The following GALNT9 variants were observed in gnomAD, a reference collection of about 807,000 sequenced individuals.
The protein encoded by GALNT9 is polypeptide N-acetylgalactosaminyltransferase 9, also known as GalNAc transferase 9.
Under a neutral mutation model 63.1 loss-of-function variants are expected in GALNT9, and 47 were observed. That is an observed-to-expected ratio of 0.75 (90% CI 0.59 to 0.95). The LOEUF (loss-of-function observed/expected upper bound fraction) is 0.95. Among genes scored for constraint, GALNT9 ranks in the 40% least tolerant of loss-of-function variants. The probability of loss-of-function intolerance (pLI) is 0.00; values close to 1 mark genes in which losing one functional copy is unlikely to be tolerated. For synonymous variants in GALNT9, 396 were observed against 365.7 expected (o/e 1.08, Z -0.94); for missense variants, 829 against 874.8 (o/e 0.95, Z 0.66).
At chr12:132,209,375 T>A (rs1387684413) in intron 6 of GALNT9, among the ~76,000 whole-genome samples, 2 of 140,848 alleles carry the variant, frequency 1.4e-5, no homozygotes, top group African/African-American at 6.4e-5. Flanking sequence ...AAAAAATAAA[T>A]AAATAAATAA....
intron 4 of GALNT9, among the ~76,000 whole-genome samples, chr12:132,260,303 G>GGGCCCTGCCCACACCTTGGAGTCC (rs1593090020): frequency 6.6e-6 from 1 of 151,642 alleles, no homozygotes; most frequent in Non-Finnish European, 1.5e-5. Context: ...CCTTGGAGTC[G>GGGCCCTGCCCACACCTTGGAGTCC]GGCCCTGCCC....
At chr12:132,237,768 A>G (rs1335010719) in intron 6 of GALNT9, among the ~76,000 whole-genome samples, 1 of 152,226 alleles carries the variant, frequency 6.6e-6, no homozygotes, top group Non-Finnish European at 1.5e-5. Flanking sequence ...GGCCTGACGC[A>G]GCCTCACCAC....
intron 1 of GALNT9, among the ~76,000 whole-genome samples, chr12:132,317,822 G>A (rs75258426): frequency 0.14 from 21,533 of 152,156 alleles, 1,814 homozygotes; most frequent in South Asian, 0.24. Flanking sequence ...GCTGCACAGG[G>A]GCTGCTGGGA....
chr12:132,263,102 G>A (rs1879466538), intron 2 of GALNT9, among the ~76,000 whole-genome samples: 1 of 152,136 alleles, frequency 6.6e-6, no homozygotes, highest in Admixed American at 6.5e-5. Context: ...GGAGCACGTT[G>A]GGGACGGCGC....
At chr12:132,320,023 T>C (rs1424917091) in intron 1 of GALNT9, among the ~76,000 whole-genome samples, 6 of 152,046 alleles carry the variant, frequency 3.9e-5, no homozygotes, top group African/African-American at 1.4e-4. Flanking sequence ...CTGGGTCCCG[T>C]TAGCGTTCAC....
chr12:132,198,495 G>A (rs896097848), intron 9 of GALNT9, among the ~76,000 whole-genome samples: 11 of 151,602 alleles, frequency 7.3e-5, no homozygotes, highest in South Asian at 2.1e-4. Flanking sequence ...GGGAGTGCTC[G>A]GAGGTCAACA....
At chr12:132,323,878 C>T (rs1555246305) in intron 1 of GALNT9, among the ~76,000 whole-genome samples, 1 of 152,224 alleles carries the variant, frequency 6.6e-6, no homozygotes, top group East Asian at 1.9e-4. Flanking sequence ...ACTGTGGAAG[C>T]GAGACCTGCC....
intron 6 of GALNT9, among the ~76,000 whole-genome samples, chr12:132,228,072 C>T (rs1469228268): frequency 2.6e-5 from 4 of 152,078 alleles, no homozygotes; most frequent in Non-Finnish European, 5.9e-5. Flanking sequence ...TTGGTGAGGA[C>T]GCCATGTGCC....
At position 132,230,282 on chromosome 12, in the gene GALNT9, A is replaced by AGTTC. The variant is rs1593073422; in HGVS notation, c.1077+17627_1077+17628insGAAC. ...AGCCTTGTGATGGGGGCCGCCACAC[A>AGTTC]GGACAGCATCCGCCTTCCCGAGTTC... On this transcript the variant is annotated intron_variant, in intron 6 of 10. Transcript: ENST00000328957. Among the ~76,000 whole-genome samples, 10 of 152,348 alleles carry AGTTC rather than the reference A, an allele frequency of 6.6e-5. No individual in the cohort carries two copies. The East Asian group carries it at 1.9e-3, about 29-fold the overall frequency.
intron 1 of GALNT9, among the ~76,000 whole-genome samples, chr12:132,303,087 C>T (rs1370393822): frequency 1.4e-5 from 2 of 147,892 alleles, no homozygotes; most frequent in African/African-American, 2.5e-5. Flanking sequence ...GTCTCTCTCT[C>T]GGGAAAGCCT....
rs553816202 is a variant in GALNT9 at position 132,210,344 on chromosome 12, T to C, written c.1078-6654A>G. ...CGAGGCCGTCCCGTGAAGTCGGACC[T>C]GTTCTTCTGGTCAAGGCAAGCAAAG... is the stretch of plus-strand genomic sequence containing the variant. On this transcript the variant is annotated intron_variant, in intron 6 of 10. Transcript: ENST00000328957. Among the ~76,000 whole-genome samples the C allele has an allele frequency of 2.5e-3, 378 of 152,356 alleles. 3 individuals carry two copies. Among genetic ancestry groups the C allele is most frequent in the African/African-American group, 8.7e-3 (361 of 41,584 alleles).
In GALNT9 at chr12:132,197,125, G is replaced by C. The variant is rs1875562151; in HGVS notation, c.1794C>G (p.Ile598Met). 7 of 1,614,038 alleles carry C rather than the reference G, an allele frequency of 4.3e-6. No homozygotes were observed. In the Admixed American group the frequency reaches 1.2e-4, roughly 27 times the overall value. ...GGTGGGGTCAGTGCCGTGCGTGTTT[G>C]ATCCAGTTTCTGATCATCCACTTCT... ...SGQKWMIRNW[I>M]KHARH Residue 598 changes from isoleucine to methionine, a missense_variant, in exon 11 of 11, where the codon ATC becomes ATG. Physicochemically the swap from Ile to Met is conservative, Grantham distance 10. Coordinates refer to ENST00000328957, the MANE Select transcript of GALNT9 (RefSeq NM_001122636.2).
chr12:132,222,785 C>CGGACGCTAT (rs1441287714), intron 6 of GALNT9, among the ~76,000 whole-genome samples: 2 of 151,680 alleles, frequency 1.3e-5, no homozygotes, highest in East Asian at 3.9e-4. Context: ...GGAGGAGATA[C>CGGACGCTAT]GGACGCTATG....
In GALNT9 at chr12:132,282,405, G is replaced by A. The variant is rs1168985631; in HGVS notation, c.419+3845C>T. The stretch of plus-strand genomic sequence containing the variant: ...AAAAACTAAAAATACGTGTGTGCGC[G>A]TGTGTGCGTGTGTGTGCGTGTGTGC... On this transcript the variant is annotated intron_variant, in intron 2 of 10. Coordinates refer to ENST00000328957, the MANE Select transcript of GALNT9 (RefSeq NM_001122636.2). This position sits in a 1 kb window ranked among gnomAD's most constrained non-coding sequence, Gnocchi z 4.5. 3.4e-5 allele frequency among the ~76,000 whole-genome samples: 5 copies of A among 147,296 alleles called. No homozygotes were observed. Among genetic ancestry groups the A allele is most frequent in the Non-Finnish European group, 6.0e-5 (4 of 66,424 alleles).
chr12:132,307,883 G>C (rs1881671705), intron 1 of GALNT9, among the ~76,000 whole-genome samples: 1 of 151,342 alleles, frequency 6.6e-6, no homozygotes, highest in African/African-American at 2.4e-5. Flanking sequence ...TTATGAGAGA[G>C]AAGTGGGCTG....
At chr12:132,216,441 C>T (rs747170374) in intron 6 of GALNT9, among the ~76,000 whole-genome samples, 22 of 152,210 alleles carry the variant, frequency 1.4e-4, no homozygotes, top group East Asian at 1.9e-4. Flanking sequence ...GCAGGCAGGA[C>T]GGTGCGTGGC....
At chr12:132,264,445 C>T (rs891562991) in intron 2 of GALNT9, among the ~76,000 whole-genome samples, 1 of 152,216 alleles carries the variant, frequency 6.6e-6, no homozygotes, top group African/African-American at 2.4e-5. Context: ...GTTTCGGGCC[C>T]GGCTTGGTCG....
Position 132,197,595 on chromosome 12 carries a change from C to T in GALNT9, c.1665+197G>A, listed in dbSNP as rs1875613453. ...GCCCGACCCCTCTCTGGCTGTGTGA[C>T]CCTGACCAGTCACCTGCCCTCTCTG... On this transcript the variant is annotated intron_variant, in intron 10 of 10. Coordinates refer to ENST00000328957, the MANE Select transcript of GALNT9 (RefSeq NM_001122636.2). Among the ~76,000 whole-genome samples, 4 of 149,066 alleles carry T rather than the reference C, an allele frequency of 2.7e-5. No individual in the cohort carries two copies. The South Asian group carries it at 8.3e-4, about 31-fold the overall frequency.
intron 2 of GALNT9, among the ~76,000 whole-genome samples, chr12:132,270,197 G>C (rs1593096145): frequency 6.6e-6 from 1 of 152,230 alleles, no homozygotes. Flanking sequence ...GTAAACTATG[G>C]AATCAATAAC....
Sources: gnomAD v4.1 joint callset for allele counts (sites outside exome capture counted in the v4.1 genomes callset) on GRCh38, gnomAD v4.1.1 for gene constraint, Gnocchi (gnomAD v3.1) non-coding constraint, MANE v1.5 for transcripts, NCBI Gene and HGNC (gene_info 2026-07-23, HGNC 2026-07-21) for gene names.